Variants in DHCR7 observed in about 807,000 individuals in gnomAD.
The protein encoded by DHCR7 is 7-dehydrocholesterol reductase, also known as 7-DHC reductase.
Under a neutral mutation model 43.3 loss-of-function variants are expected in DHCR7, and 40 were observed. That is an observed-to-expected ratio of 0.92 (90% CI 0.72 to 1.20). DHCR7 has a LOEUF of 1.20. Ranked by LOEUF, DHCR7 falls within the 50% of genes most tolerant of loss-of-function variation. DHCR7 has a pLI of 0.00. For synonymous variants in DHCR7, 298 were observed against 271.4 expected (o/e 1.10, Z -0.96); for missense variants, 608 against 644.6 (o/e 0.94, Z 0.62).
chr11:71,439,845 G>A (rs1236696466), intron 6 of DHCR7, among the ~76,000 whole-genome samples: 1 of 152,216 alleles, frequency 6.6e-6, no homozygotes. Context: ...AGGAGCCATT[G>A]AAGGCCAGCC....
At chr11:71,439,572 C>T (rs188625544) in intron 6 of DHCR7, among the ~76,000 whole-genome samples, 3 of 152,292 alleles carry the variant, frequency 2.0e-5, no homozygotes, top group African/African-American at 7.2e-5. Context: ...GAATGACAAA[C>T]GCACCCTGGG....
chr11:71,441,560 C>G (rs1258896466), intron 5 of DHCR7, 120 bp from the exon 6 acceptor site: 9 of 886,388 alleles, frequency 1.0e-5, no homozygotes, highest in Middle Eastern at 3.2e-4. Context: ...TGCTGCGGAC[C>G]CTCATCTGGG....
chr11:71,430,291 A>C (rs1949221839), downstream of DHCR7, among the ~76,000 whole-genome samples: 1 of 152,112 alleles, frequency 6.6e-6, no homozygotes, highest in Non-Finnish European at 1.5e-5. Context: ...CCGTCTACTC[A>C]GCTCACTGTG....
chr11:71,445,948 C>T (rs1242122328), intron 2 of DHCR7, among the ~76,000 whole-genome samples: 1 of 152,012 alleles, frequency 6.6e-6, no homozygotes, highest in Non-Finnish European at 1.5e-5. Context: ...TTTTTGCAAC[C>T]TAGAATTCTA....
chr11:71,439,983 C>A lies in DHCR7; in HGVS notation c.627-900G>T, dbSNP rs183478656. 3.5e-3 allele frequency among the ~76,000 whole-genome samples: 539 copies of A among 152,338 alleles called. 4 individuals are homozygous for A. The highest frequency in any genetic ancestry group is 0.014 in the Middle Eastern group (4 of 294). On this transcript the variant is annotated intron_variant, in intron 6 of 8. Transcript: ENST00000355527. ...GAACTGTAAGTCCCACTGCCTACAACTGTCCACAAGAGAACCCCCCAAACA... is the reference window on the plus strand; with the variant it reads ...GAACTGTAAGTCCCACTGCCTACAAATGTCCACAAGAGAACCCCCCAAACA...
chr11:71,431,138 G>A (rs186097095), downstream of DHCR7, among the ~76,000 whole-genome samples: 6 of 152,334 alleles, frequency 3.9e-5, no homozygotes, highest in African/African-American at 1.4e-4. Context: ...CTGGGTGACA[G>A]AGCAAGACTC....
rs2852853 is a variant in DHCR7 at position 71,439,171 on chromosome 11, C to T, written c.627-88G>A. ...TTACTTAGCGAGAGCCCAGCACTGG[C>T]CCAGGGTCCTAAAGGGTAACGTGAG... is the stretch of plus-strand genomic sequence containing the variant. On this transcript the variant is annotated intron_variant, in intron 6 of 8. Coordinates refer to ENST00000355527, the MANE Select transcript of DHCR7 (RefSeq NM_001360.3). 851,294 of 1,285,804 alleles carry T rather than the reference C, an allele frequency of 0.66. 303,123 individuals carry two copies. The highest frequency in any genetic ancestry group is 0.76 in the Non-Finnish European group (688,993 of 909,132). 79.6% of individuals were successfully genotyped at this position (1,285,804 alleles called of 1,614,324 possible).
intron 7 of DHCR7, 72 bp from the exon 8 acceptor site, chr11:71,438,015 C>T: frequency 1.9e-6 from 3 of 1,582,222 alleles, no homozygotes; most frequent in Non-Finnish European, 2.6e-6. Context: ...GGAAATCACA[C>T]TCCACGCAGA....
intron 2 of DHCR7, chr11:71,428,901 C>G: frequency 2.2e-6 from 1 of 454,492 alleles, no homozygotes; most frequent in South Asian, 1.6e-5. Flanking sequence ...GGAGTTCACT[C>G]CCAGTTAAAG....
intron 2 of DHCR7, 71 bp downstream of exon 2, chr11:71,447,536 CCAG>C (rs1949417788): frequency 6.6e-6 from 1 of 152,212 alleles, no homozygotes; most frequent in South Asian, 2.1e-4. Flanking sequence ...AGCTGGTGGA[CCAG>C]TCTGTCTGTA....
intron 6 of DHCR7, 77 bp downstream of exon 6, chr11:71,441,150 T>G: frequency 7.2e-7 from 1 of 1,389,596 alleles, no homozygotes; most frequent in Non-Finnish European, 1.0e-6. Context: ...TACAACCACC[T>G]GCCCCAGGCA....
intron 6 of DHCR7, among the ~76,000 whole-genome samples, chr11:71,439,428 T>C (rs1420457055): frequency 1.3e-5 from 2 of 152,362 alleles, no homozygotes; most frequent in South Asian, 2.1e-4. Context: ...CCTTGACGCA[T>C]GGCACAGGTG....
chr11:71,435,191 C>G lies in DHCR7; in HGVS notation c.*184G>C, dbSNP rs902172702. 1 of 727,526 alleles carries G rather than the reference C, an allele frequency of 1.4e-6. No individual in the cohort carries two copies. 45.1% of individuals were successfully genotyped at this position (727,526 alleles called of 1,614,324 possible). A position where few individuals can be genotyped will look rare whatever the true frequency, so the allele number is the denominator to read the frequency against. ...GGCAGTGCTGGACACTCGGAATTCC[C>G]TTGAAGGCAAAAGCAAGGAACAGAG... On this transcript the variant is annotated 3_prime_UTR_variant, in exon 9 of 9. Coordinates refer to ENST00000355527, the MANE Select transcript of DHCR7 (RefSeq NM_001360.3).
Position 71,442,361 on chromosome 11 carries a change from A to C in DHCR7, c.322-8T>G. 1 of 1,611,678 alleles carries C rather than the reference A, an allele frequency of 6.2e-7. No individual in the cohort carries two copies. The highest frequency in any genetic ancestry group is 8.5e-7 in the Non-Finnish European group (1 of 1,178,080). ...AGACGTGTACAGAAGCACCTGAAACACACAAGCAGCCTGATCACCCCCCGC... is the reference window on the plus strand; with the variant it reads ...AGACGTGTACAGAAGCACCTGAAACCCACAAGCAGCCTGATCACCCCCCGC... On this transcript the variant is annotated splice_polypyrimidine_tract_variant and splice_region_variant and intron_variant, in intron 4 of 8. Transcript: ENST00000355527.
Position 71,435,725 on chromosome 11 carries a change from G to GGT in DHCR7, c.1076_1077dup (p.Leu360ThrfsTer54), listed in dbSNP as rs1318653026. On this transcript the variant is annotated frameshift_variant, in exon 9 of 9. Coordinates refer to ENST00000355527, the MANE Select transcript of DHCR7 (RefSeq NM_001360.3). LOFTEE classifies it high-confidence loss of function. Reference sequence around the variant, plus strand: ...CAGCGCCCATCCGTGCGGCGGAACAGGTCCTTCTGGTGGTTGGCCACCCGG... The same window carrying GGT: ...CAGCGCCCATCCGTGCGGCGGAACAGGTGTCCTTCTGGTGGTTGGCCACCCGG... 5.0e-6 allele frequency: 8 copies of GGT among 1,612,586 alleles called. No homozygotes were observed. The African/African-American group carries it at 9.3e-5, about 19-fold the overall frequency.
chr11:71,440,713 G>A (rs956345368), intron 6 of DHCR7, among the ~76,000 whole-genome samples: 4 of 148,216 alleles, frequency 2.7e-5, no homozygotes, highest in Non-Finnish European at 6.0e-5. Context: ...GTAGATGAAT[G>A]GGTAGGGGGG....
rs139724817 is a variant in DHCR7, at chr11:71,435,815, C to T, written c.988G>A (p.Val330Met). Residue 330 changes from valine (V) to methionine (M), a missense_variant, in exon 9 of 9, where the codon GTG becomes ATG. Coordinates refer to ENST00000355527, the MANE Select transcript of DHCR7 (RefSeq NM_001360.3). The part of the protein sequence containing the change: ...LQGLYLVYHP[V>M]QLSTPHAVGV... Reference sequence around the variant, plus strand: ...ACGGCGTGCGGGGTGGACAGCTGCACGGGGTGGTACACCAAGTACAGACCC... The same window carrying T: ...ACGGCGTGCGGGGTGGACAGCTGCATGGGGTGGTACACCAAGTACAGACCC... 4.1e-4 allele frequency: 659 copies of T among 1,603,764 alleles called. No individual in the cohort carries two copies. The highest frequency in any genetic ancestry group is 2.5e-3 in the Middle Eastern group (15 of 6,044).
chr11:71,438,933 C>A lies in DHCR7; in HGVS notation c.777G>T (p.Gln259His). 6.2e-7 allele frequency: 1 copy of A among 1,614,040 alleles called. No individual in the cohort carries two copies. Among genetic ancestry groups the A allele is most frequent in the Non-Finnish European group, 8.5e-7 (1 of 1,180,048 alleles). The change falls in exon 7 of 9, where the codon CAG (glutamine) becomes CAT (histidine). Residue 259 changes from glutamine (Q) to histidine (H), a missense_variant. By Grantham distance (24) the Gln-to-His change is conservative. Coordinates refer to ENST00000355527, the MANE Select transcript of DHCR7 (RefSeq NM_001360.3). Reference sequence around the variant, plus strand: ...TGGTCACATGGCTGTGGAGCTCCCGCTGCTTCGCTGCGAAGGACAGGTTGA... The same window carrying A: ...TGGTCACATGGCTGTGGAGCTCCCGATGCTTCGCTGCGAAGGACAGGTTGA... ...TLINLSFAAK[Q>H]RELHSHVTNA...
At position 71,434,676 on chromosome 11, in the gene DHCR7, G is replaced by A. The variant is rs1949251519; in HGVS notation, c.*699C>T. On this transcript the variant is annotated 3_prime_UTR_variant, in exon 9 of 9. Transcript: ENST00000355527. The stretch of plus-strand genomic sequence containing the variant: ...AGAAAATTCTTTCGAGAGGGTGGGC[G>A]CTCACAGGGAATCGGGAAGCAGAGC... 5.9e-6 allele frequency: 1 copy of A among 168,508 alleles called. No individual in the cohort carries two copies. The highest frequency in any genetic ancestry group is 1.3e-5 in the Non-Finnish European group (1 of 76,858). The allele number at this position is 168,508 out of a possible 1,614,324, so 10.4% of individuals were successfully genotyped here. A position where few individuals can be genotyped will look rare whatever the true frequency, so the allele number is the denominator to read the frequency against.
Sources: gnomAD v4.1 joint callset for allele counts (sites outside exome capture counted in the v4.1 genomes callset) on GRCh38, gnomAD v4.1.1 for gene constraint, MANE v1.5 for transcripts, NCBI Gene and HGNC (gene_info 2026-07-23, HGNC 2026-07-21) for gene names.